The following CACNG7 variants were observed in gnomAD, a reference collection of about 807,000 sequenced individuals.
The protein encoded by CACNG7 is calcium voltage-gated channel auxiliary subunit gamma 7, also known as voltage-dependent calcium channel gamma-7 subunit.
In CACNG7, 9 loss-of-function variants were observed where a neutral mutation model predicts 26.3. That is an observed-to-expected ratio of 0.34 (90% CI 0.21 to 0.60). The LOEUF (loss-of-function observed/expected upper bound fraction) is 0.60, where lower values mean the gene tolerates loss of function less well. Among genes scored for constraint, CACNG7 ranks in the 20% least tolerant of loss-of-function variants. The pLI is 0.81. For synonymous variants in CACNG7, 170 were observed against 157.0 expected, an observed-to-expected ratio of 1.08 and a Z score of -0.62; for missense variants, 297 against 380.4, an observed-to-expected ratio of 0.78 and a Z score of 1.82.
intron 4 of CACNG7, among the ~76,000 whole-genome samples, chr19:53,929,121 AC>A (rs59984831): frequency 0.011 from 586 of 52,590 alleles, 28 homozygotes; most frequent in African/African-American, 0.035. Flanking sequence ...CAAAAAAAAA[AC>A]AAAAAAAAAA....
intron 4 of CACNG7, among the ~76,000 whole-genome samples, chr19:53,924,704 G>A (rs1470343971): frequency 6.7e-6 from 1 of 148,326 alleles, no homozygotes; most frequent in Non-Finnish European, 1.5e-5. Flanking sequence ...TATTGGTGGA[G>A]TTGCCCCAGT....
chr19:53,931,919 G>A (rs149123004), intron 4 of CACNG7, among the ~76,000 whole-genome samples: 6,424 of 150,600 alleles, frequency 0.043, 464 homozygotes, highest in African/African-American at 0.15. Flanking sequence ...CCACCACCAC[G>A]CCCGGCTAAT....
intron 4 of CACNG7, among the ~76,000 whole-genome samples, chr19:53,935,084 T>C (rs1488967805): frequency 6.6e-6 from 1 of 151,850 alleles, no homozygotes; most frequent in African/African-American, 2.4e-5. Flanking sequence ...TATATATACA[T>C]ATATACACAC....
chr19:53,925,936 G>A (rs1010375831), intron 4 of CACNG7, among the ~76,000 whole-genome samples: 3 of 152,158 alleles, frequency 2.0e-5, no homozygotes, highest in Non-Finnish European at 2.9e-5. Context: ...GAAGCTAGAC[G>A]GGCATTGGTT....
intron 4 of CACNG7, among the ~76,000 whole-genome samples, chr19:53,921,604 CGTCCCCAGGTCTGGTCA>C (rs2068953722): frequency 6.4e-5 from 3 of 47,236 alleles, no homozygotes. Flanking sequence ...TTGGTGGAGT[CGTCCCCAGGTCTGGTCA>C]TTGGTGGAGT....
rs1457096706 is a variant in CACNG7, at chr19:53,943,935, C to G, written c.*1642C>G. 2 of 152,146 alleles carry G rather than the reference C, an allele frequency of 1.3e-5. No individual in the cohort carries two copies. The highest frequency in any genetic ancestry group is 2.9e-5 in the Non-Finnish European group (2 of 68,038). 9.4% of individuals were successfully genotyped at this position (152,146 alleles called of 1,614,324 possible). A position where few individuals can be genotyped will look rare whatever the true frequency, so the allele number is the denominator to read the frequency against. ...TGGTCAGGATCAATAAACGCTTTCTCCTGGTATTATTATGACCACGTAGAG... is the reference window on the plus strand; with the variant it reads ...TGGTCAGGATCAATAAACGCTTTCTGCTGGTATTATTATGACCACGTAGAG... On this transcript the variant is annotated 3_prime_UTR_variant, in exon 6 of 6. Coordinates refer to ENST00000391767, the MANE Select transcript of CACNG7 (RefSeq NM_031896.5).
At chr19:53,917,775 T>C (rs1166287214) in intron 4 of CACNG7, among the ~76,000 whole-genome samples, 1 of 152,128 alleles carries the variant, frequency 6.6e-6, no homozygotes, top group African/African-American at 2.4e-5. Flanking sequence ...AAAATCATGA[T>C]AAGGAAAGTC....
rs994448887 is a variant in CACNG7, at chr19:53,940,773, G to A, written c.425-697G>A. 6.6e-6 allele frequency among the ~76,000 whole-genome samples: 1 copy of A among 152,076 alleles called. No individual in the cohort carries two copies. The highest frequency in any genetic ancestry group is 1.5e-5 in the Non-Finnish European group (1 of 68,028). ...TTCTTCTCTGGGCCTCATCCTTTAA[G>A]GCCGGGCGCGGTGGCTCAAACCTGT... On this transcript the variant is annotated intron_variant, in intron 4 of 5. Coordinates refer to ENST00000391767, the MANE Select transcript of CACNG7 (RefSeq NM_031896.5). This position sits in a 1 kb window ranked among gnomAD's most constrained non-coding sequence, Gnocchi z 4.1.
intron 4 of CACNG7, among the ~76,000 whole-genome samples, chr19:53,935,924 A>G (rs1005307566): frequency 6.6e-6 from 1 of 150,742 alleles, no homozygotes; most frequent in Admixed American, 6.6e-5. Flanking sequence ...TATAGGCGTG[A>G]ACCACCACGC....
Position 53,942,407 on chromosome 19 carries a change from G to T in CACNG7, c.*114G>T. 3 of 1,506,506 alleles carry T rather than the reference G, an allele frequency of 2.0e-6. No homozygotes were observed. In the Admixed American group the frequency reaches 6.3e-5, roughly 32 times the overall value. The allele number at this position is 1,506,506 out of a possible 1,614,324, so 93.3% of individuals were successfully genotyped here. On this transcript the variant is annotated 3_prime_UTR_variant, in exon 6 of 6. Coordinates refer to ENST00000391767, the MANE Select transcript of CACNG7 (RefSeq NM_031896.5). The surrounding 1 kb of genome is among the most constrained non-coding windows in gnomAD (Gnocchi z 5.9). ...GACTCCTCGCTCCCACCCGGAGGAG[G>T]CTGCGCCAGCTTTAGGCCCCGCCCT...
intron 4 of CACNG7, among the ~76,000 whole-genome samples, chr19:53,930,300 C>G (rs1012628154): frequency 6.6e-6 from 1 of 152,018 alleles, no homozygotes; most frequent in African/African-American, 2.4e-5. Context: ...CCTCTGCCCC[C>G]TGGGTTCAAG....
At chr19:53,917,342 C>A (rs570788263) in intron 4 of CACNG7, among the ~76,000 whole-genome samples, 6 of 152,120 alleles carry the variant, frequency 3.9e-5, no homozygotes, top group Non-Finnish European at 8.8e-5. Flanking sequence ...TGAACAAACC[C>A]CACTGCATGT....
At chr19:53,921,480 C>T (rs982225623) in intron 4 of CACNG7, among the ~76,000 whole-genome samples, 31 of 141,844 alleles carry the variant, frequency 2.2e-4, no homozygotes, top group Non-Finnish European at 2.6e-4. Flanking sequence ...TGTCCCCAGG[C>T]CTGGTCATTG....
chr19:53,923,413 G>T (rs149512938), intron 4 of CACNG7, among the ~76,000 whole-genome samples: 8,792 of 86,526 alleles, frequency 0.1, 20 homozygotes, highest in Middle Eastern at 0.13. Context: ...TGGTGGAGTT[G>T]TCCCCAGGTC....
chr19:53,931,620 G>T (rs1465016881), intron 4 of CACNG7, among the ~76,000 whole-genome samples: 1 of 148,898 alleles, frequency 6.7e-6, no homozygotes, highest in Non-Finnish European at 1.5e-5. Context: ...CTCAGGAGGT[G>T]GAGGTTGCAG....
At chr19:53,932,438 T>C (rs2069079242) in intron 4 of CACNG7, among the ~76,000 whole-genome samples, 1 of 151,930 alleles carries the variant, frequency 6.6e-6, no homozygotes, top group South Asian at 2.1e-4. Context: ...TCAGACATCA[T>C]TTGATTCACA....
rs896109018 is a variant in CACNG7 at position 53,912,713 on chromosome 19, T to G, written c.-29-90T>G. ...ATTTCGATTTGGGAGTCAGTGTCTC[T>G]GGCTAGGGCCCAGCATCCCGGGTTG... is the stretch of plus-strand genomic sequence containing the variant. On this transcript the variant is annotated intron_variant, in intron 1 of 5. Coordinates refer to ENST00000391767, the MANE Select transcript of CACNG7 (RefSeq NM_031896.5). This position sits in a 1 kb window ranked among gnomAD's most constrained non-coding sequence, Gnocchi z 4.6. 2.9e-5 allele frequency: 30 copies of G among 1,027,076 alleles called. No homozygotes were observed. In the African/African-American group the frequency reaches 4.3e-4, roughly 15 times the overall value. 63.6% of individuals were successfully genotyped at this position (1,027,076 alleles called of 1,614,324 possible). A position where few individuals can be genotyped will look rare whatever the true frequency, so the allele number is the denominator to read the frequency against.
At chr19:53,931,738 A>G (rs983175086) in intron 4 of CACNG7, among the ~76,000 whole-genome samples, 1 of 134,150 alleles carries the variant, frequency 7.5e-6, no homozygotes, top group Non-Finnish European at 1.6e-5. Flanking sequence ...TTCCACTACT[A>G]TTTGTTTTTA....
intron 3 of CACNG7, 149 bp from the exon 4 acceptor site, chr19:53,915,216 G>C: frequency 1.6e-6 from 1 of 628,572 alleles, no homozygotes; most frequent in South Asian, 1.9e-5. Flanking sequence ...AGGGGAAGGA[G>C]AAGAGTCAGT....
Sources: allele counts gnomAD v4.1 joint callset (sites outside exome capture counted in the v4.1 genomes callset), GRCh38; gene constraint gnomAD v4.1.1; non-coding constraint Gnocchi (gnomAD v3.1); transcripts MANE v1.5; gene names NCBI Gene and HGNC (gene_info 2026-07-23, HGNC 2026-07-21).